SLC26A5: variants seen among roughly 807,000 people sequenced by gnomAD.
SLC26A5 encodes the protein solute carrier family 26 member 5, also known as prestin.
Under a neutral mutation model 81.0 loss-of-function variants are expected in SLC26A5, and 51 were observed. That is an observed-to-expected ratio of 0.63 (90% CI 0.50 to 0.80). The LOEUF is 0.80. SLC26A5 is among the 30% of genes least tolerant of loss of function. The pLI is 0.00. For missense variants in SLC26A5, 771 were observed against 905.8 expected, an observed-to-expected ratio of 0.85 and a Z score of 1.91; for synonymous variants, 325 against 332.8, an observed-to-expected ratio of 0.98 and a Z score of 0.25.
At chr7:103,355,006 A>C in intron 19 of SLC26A5, 3 of 1,135,130 alleles carry the variant, frequency 2.6e-6, no homozygotes, top group Non-Finnish European at 4.0e-6. Flanking sequence ...GAATAATATC[A>C]AGAGTTTAAA....
At chr7:103,387,719 T>C (rs1226857390) in intron 14 of SLC26A5, among the ~76,000 whole-genome samples, 1 of 152,166 alleles carries the variant, frequency 6.6e-6, no homozygotes, top group African/African-American at 2.4e-5. Flanking sequence ...TTTGCTCTTG[T>C]TGCCCAAGCT....
intron 8 of SLC26A5, among the ~76,000 whole-genome samples, chr7:103,406,105 C>T (rs1824026732): frequency 6.6e-6 from 1 of 152,204 alleles, no homozygotes; most frequent in African/African-American, 2.4e-5. Context: ...TGGAGCTTAG[C>T]TTTCTGGGCT....
intron 4 of SLC26A5, among the ~76,000 whole-genome samples, chr7:103,419,386 G>A (rs1434698550): frequency 1.3e-5 from 2 of 152,122 alleles, no homozygotes; most frequent in Non-Finnish European, 2.9e-5. Context: ...CCCTCACACT[G>A]CTGGAACACT....
chr7:103,410,184 T>C (rs1227252783), intron 7 of SLC26A5, among the ~76,000 whole-genome samples: 2 of 152,194 alleles, frequency 1.3e-5, no homozygotes, highest in Non-Finnish European at 2.9e-5. Context: ...CAGTATCACA[T>C]ATTAATAACA....
chr7:103,388,714 G>A (rs912846500), intron 14 of SLC26A5: 8 of 377,678 alleles, frequency 2.1e-5, no homozygotes, highest in Non-Finnish European at 4.1e-5. Flanking sequence ...AACCAGCATA[G>A]CACTAGACCA....
intron 16 of SLC26A5, among the ~76,000 whole-genome samples, chr7:103,378,795 A>T (rs570633820): frequency 6.6e-6 from 1 of 152,342 alleles, no homozygotes; most frequent in East Asian, 1.9e-4. Flanking sequence ...TTTTTAGAGC[A>T]GTCTTTTTCA....
At position 103,388,024 on chromosome 7, in the gene SLC26A5, T is replaced by G. The variant is rs542704404; in HGVS notation, c.1514+984A>C. Reference sequence around the variant, plus strand: ...TGACAATGTTTCCTTTTCATCTTTATGGTGATTTATCACAAAAAGGTGTTT... The same window carrying G: ...TGACAATGTTTCCTTTTCATCTTTAGGGTGATTTATCACAAAAAGGTGTTT... On this transcript the variant is annotated intron_variant, in intron 14 of 19. Coordinates refer to ENST00000306312, the MANE Select transcript of SLC26A5 (RefSeq NM_198999.3). Among the ~76,000 whole-genome samples, 7 of 152,172 alleles carry G rather than the reference T, an allele frequency of 4.6e-5. No homozygotes were observed. The East Asian group carries it at 1.4e-3, about 29-fold the overall frequency.
rs1225376584 is a variant in SLC26A5, at chr7:103,374,675, T to TG, written c.2042-84dup. ...AAAAAAAAGTAACACTTCCATATAG[T>TG]GTTTTTTTTTTTGTTATTGTTTTTT... On this transcript the variant is annotated intron_variant, in intron 19 of 19. Transcript: ENST00000306312. 221 of 1,225,006 alleles carry TG rather than the reference T, an allele frequency of 1.8e-4. No individual in the cohort carries two copies. In the East Asian group the frequency reaches 5.4e-3, roughly 30 times the overall value. 75.9% of individuals were successfully genotyped at this position (1,225,006 alleles called of 1,614,324 possible).
At chr7:103,378,372 T>G in intron 17 of SLC26A5, 74 bp downstream of exon 17, 1 of 1,420,366 alleles carries the variant, frequency 7.0e-7, no homozygotes, top group Non-Finnish European at 1.0e-6. Context: ...GTGTTTAAAC[T>G]TCAGTCATGA....
intron 2 of SLC26A5, among the ~76,000 whole-genome samples, chr7:103,434,183 G>C (rs1285856984): frequency 1.3e-5 from 2 of 152,170 alleles, no homozygotes; most frequent in East Asian, 3.8e-4. Context: ...TAAACGGCCT[G>C]AGTCTTTGAA....
chr7:103,360,389 T>C (rs995215975), intron 19 of SLC26A5, among the ~76,000 whole-genome samples: 3 of 152,168 alleles, frequency 2.0e-5, no homozygotes, highest in Non-Finnish European at 4.4e-5. Flanking sequence ...ATGGGTATAA[T>C]TCTTCTTCCC....
chr7:103,441,838 G>C (rs568125726), intron 2 of SLC26A5, among the ~76,000 whole-genome samples: 74 of 152,280 alleles, frequency 4.9e-4, no homozygotes, highest in African/African-American at 1.7e-3. Context: ...AGGTGAGCAG[G>C]CACAGCAGCT....
At chr7:103,387,666 G>A (rs1822302006) in intron 14 of SLC26A5, among the ~76,000 whole-genome samples, 1 of 152,232 alleles carries the variant, frequency 6.6e-6, no homozygotes, top group African/African-American at 2.4e-5. Context: ...TAAAGTCCAG[G>A]CTATTTCTTT....
chr7:103,415,013 G>A (rs533817803), intron 4 of SLC26A5, among the ~76,000 whole-genome samples: 2 of 152,302 alleles, frequency 1.3e-5, no homozygotes, highest in South Asian at 4.1e-4. Flanking sequence ...CATAGCTTGG[G>A]ATAGATTGAC....
intron 2 of SLC26A5, among the ~76,000 whole-genome samples, chr7:103,425,477 G>A (rs946822998): frequency 6.6e-6 from 1 of 152,004 alleles, no homozygotes; most frequent in Admixed American, 6.6e-5. Context: ...GAGAGAGAGA[G>A]AAATACATAT....
chr7:103,435,296 C>T (rs1826371220), intron 2 of SLC26A5, among the ~76,000 whole-genome samples: 1 of 152,268 alleles, frequency 6.6e-6, no homozygotes, highest in South Asian at 2.1e-4. Flanking sequence ...TCTCCTCTGG[C>T]AATAGTAATT....
rs1443112546 is a variant in SLC26A5 at position 103,411,605 on chromosome 7, A to G, written c.404-19T>C. On this transcript the variant is annotated intron_variant, in intron 5 of 19. Transcript: ENST00000306312. ...AAAGGACCTGAAATAATGAAGCATG[A>G]AGATCCCTGTTCAGGGTTCAGAGTA... 8 of 1,613,940 alleles carry G rather than the reference A, an allele frequency of 5.0e-6. No homozygotes were observed. Among genetic ancestry groups the G allele is most frequent in the South Asian group, 1.1e-5 (1 of 91,086 alleles).
intron 4 of SLC26A5, among the ~76,000 whole-genome samples, chr7:103,416,797 T>C (rs1824945643): frequency 6.6e-6 from 1 of 152,112 alleles, no homozygotes; most frequent in African/African-American, 2.4e-5. Flanking sequence ...CCTCTTTTAT[T>C]GTCATTTTAG....
Position 103,377,653 on chromosome 7 carries a change from C to T in SLC26A5, c.1932G>A (p.Leu644=), listed in dbSNP as rs1411718287. 6.2e-7 allele frequency: 1 copy of T among 1,614,002 alleles called. No individual in the cohort carries two copies. Among genetic ancestry groups the T allele is most frequent in the South Asian group, 1.1e-5 (1 of 91,058 alleles). The change falls in exon 18 of 20, where the codon TTG becomes TTA. Residue 644 remains leucine, a synonymous_variant. Coordinates refer to ENST00000306312, the MANE Select transcript of SLC26A5 (RefSeq NM_198999.3). ...PPGDNVHTVI[L]DFTQVNFIDS... is the part of the protein sequence containing the mutation. ...CAATAAAATTGACTTGAGTGAAATCCAAAATGACAGTGTGGACGTTATCCC... is the reference window on the plus strand; with the variant it reads ...CAATAAAATTGACTTGAGTGAAATCTAAAATGACAGTGTGGACGTTATCCC...
Sources: allele counts gnomAD v4.1 joint callset (sites outside exome capture counted in the v4.1 genomes callset), GRCh38; gene constraint gnomAD v4.1.1; transcripts MANE v1.5; gene names NCBI Gene and HGNC (gene_info 2026-07-23, HGNC 2026-07-21).